The following ENOX1 variants were observed in gnomAD, a reference collection of about 807,000 sequenced individuals.
ENOX1 encodes the protein ecto-NOX disulfide-thiol exchanger 1.
ENOX1 carries 42 observed loss-of-function variants against 82.5 expected under a neutral mutation model. The observed-to-expected ratio is 0.51, with a 90% CI of 0.40 to 0.66. The LOEUF is 0.66. ENOX1 is among the 30% of genes least tolerant of loss of function. The pLI is 0.00. For missense variants in ENOX1, 608 were observed against 811.6 expected, an observed-to-expected ratio of 0.75 and a Z score of 3.05; for synonymous variants, 271 against 282.2, an observed-to-expected ratio of 0.96 and a Z score of 0.40.
intron 2 of ENOX1, among the ~76,000 whole-genome samples, chr13:43,513,822 C>T (rs1281217943): frequency 6.6e-6 from 1 of 151,768 alleles, no homozygotes; most frequent in African/African-American, 2.4e-5. Flanking sequence ...AAAAGTTAAC[C>T]CTTAGCTATT....
intron 2 of ENOX1, among the ~76,000 whole-genome samples, chr13:43,510,064 C>A (rs1051456450): frequency 6.6e-6 from 1 of 151,952 alleles, no homozygotes; most frequent in Non-Finnish European, 1.5e-5. Flanking sequence ...ATGTATAGAT[C>A]TAAGTAGGAG....
At chr13:43,722,727 T>TAA (rs150881985) in intron 1 of ENOX1, among the ~76,000 whole-genome samples, 5 of 147,950 alleles carry the variant, frequency 3.4e-5, no homozygotes, top group African/African-American at 1.2e-4. Context: ...ACTCTAAAGG[T>TAA]AAAAAAAAAA....
At chr13:43,523,934 A>T (rs2077881607) in intron 2 of ENOX1, among the ~76,000 whole-genome samples, 1 of 152,138 alleles carries the variant, frequency 6.6e-6, no homozygotes, top group East Asian at 1.9e-4. Flanking sequence ...GATCAATAAG[A>T]AGGTACCACA....
In ENOX1 at chr13:43,517,994, T is replaced by C. The variant is rs548764714; in HGVS notation, c.-218-33842A>G. Reference sequence around the variant, plus strand: ...TTTATGGTATTTTGTTATAGCAGCCTGAACAGACTAAGATGTCTGCTCTGC... The same window carrying C: ...TTTATGGTATTTTGTTATAGCAGCCCGAACAGACTAAGATGTCTGCTCTGC... On this transcript the variant is annotated intron_variant, in intron 2 of 16. Transcript: ENST00000690772. 1.1e-4 allele frequency among the ~76,000 whole-genome samples: 17 copies of C among 152,256 alleles called. No individual in the cohort carries two copies. The South Asian group carries it at 3.5e-3, about 32-fold the overall frequency.
At chr13:43,664,778 G>A (rs779962102) in intron 2 of ENOX1, among the ~76,000 whole-genome samples, 1 of 152,164 alleles carries the variant, frequency 6.6e-6, no homozygotes, top group Non-Finnish European at 1.5e-5. Context: ...GTATTTGGTG[G>A]AACTCTGCCT....
At chr13:43,413,753 C>T (rs971020944) in intron 3 of ENOX1, among the ~76,000 whole-genome samples, 7 of 144,254 alleles carry the variant, frequency 4.9e-5, no homozygotes, top group African/African-American at 1.7e-4. Flanking sequence ...TCTTTTAATG[C>T]ACTTATCTAA....
chr13:43,674,242 C>T (rs1293014885), intron 1 of ENOX1, among the ~76,000 whole-genome samples: 2 of 152,088 alleles, frequency 1.3e-5, no homozygotes, highest in Non-Finnish European at 2.9e-5. Flanking sequence ...AGGAACAAGA[C>T]AAGACTCTCA....
intron 6 of ENOX1, 44 bp downstream of exon 6, chr13:43,361,235 A>G (rs1367233690): frequency 6.3e-7 from 1 of 1,589,612 alleles, no homozygotes. Flanking sequence ...TTTAAAAAGA[A>G]AAACATTTAA....
chr13:43,383,066 C>T lies in ENOX1; in HGVS notation c.209-21614G>A, dbSNP rs552391534. On this transcript the variant is annotated intron_variant, in intron 5 of 16. Coordinates refer to ENST00000690772, the MANE Select transcript of ENOX1 (RefSeq NM_001347969.2). ...TTCTATAGTTTTAGAAGTCAGCAAG[C>T]AGCATATTGGGGATTATGGATGAAC... Among the ~76,000 whole-genome samples, 5 of 152,210 alleles carry T rather than the reference C, an allele frequency of 3.3e-5. No homozygotes were observed. The South Asian group carries it at 1.0e-3, about 32-fold the overall frequency.
chr13:43,737,991 C>G (rs2153825263), intron 1 of ENOX1, among the ~76,000 whole-genome samples: 1 of 152,218 alleles, frequency 6.6e-6, no homozygotes, highest in Non-Finnish European at 1.5e-5. Context: ...ATTTTTGTGT[C>G]CTTCTGAAGA....
chr13:43,708,619 T>G (rs1281688913), intron 1 of ENOX1, among the ~76,000 whole-genome samples: 1 of 152,194 alleles, frequency 6.6e-6, no homozygotes, highest in Non-Finnish European at 1.5e-5. Flanking sequence ...GACAAATTAA[T>G]TTTCAACAGA....
rs536056955 is a variant in ENOX1 at position 43,243,948 on chromosome 13, T to C, written c.1612-7210A>G. On this transcript the variant is annotated intron_variant, in intron 14 of 16. Transcript: ENST00000690772. ...CCAGAGGCATCTGTTTCAGGCCACTTGCAAGGCTTCCTTATCTGCACACAT... is the reference window on the plus strand; with the variant it reads ...CCAGAGGCATCTGTTTCAGGCCACTCGCAAGGCTTCCTTATCTGCACACAT... 8.3e-4 allele frequency among the ~76,000 whole-genome samples: 127 copies of C among 152,140 alleles called. 2 individuals are homozygous for C. The highest frequency in any genetic ancestry group is 2.9e-3 in the African/African-American group (120 of 41,498).
At chr13:43,716,285 C>T (rs559095162) in intron 1 of ENOX1, among the ~76,000 whole-genome samples, 11 of 152,106 alleles carry the variant, frequency 7.2e-5, no homozygotes, top group Non-Finnish European at 4.4e-5. Flanking sequence ...ACAGACAGGA[C>T]CCTCAGCTGC....
At chr13:43,575,005 A>G (rs1324964371) in intron 2 of ENOX1, among the ~76,000 whole-genome samples, 1 of 152,230 alleles carries the variant, frequency 6.6e-6, no homozygotes, top group Non-Finnish European at 1.5e-5. Context: ...AGAGAGCCAC[A>G]TTCTGCTTAG....
intron 2 of ENOX1, among the ~76,000 whole-genome samples, chr13:43,641,393 C>T (rs541214354): frequency 6.6e-6 from 1 of 152,174 alleles, no homozygotes; most frequent in South Asian, 2.1e-4. Context: ...CAGTGCTATC[C>T]CTATCTTGAG....
At chr13:43,653,419 TACAA>T (rs2084285049) in intron 2 of ENOX1, among the ~76,000 whole-genome samples, 1 of 152,188 alleles carries the variant, frequency 6.6e-6, no homozygotes, top group Non-Finnish European at 1.5e-5. Flanking sequence ...CTAAAGATAC[TACAA>T]ACAAACTTGA....
intron 3 of ENOX1, among the ~76,000 whole-genome samples, chr13:43,482,060 G>T (rs1472091855): frequency 6.6e-6 from 1 of 152,090 alleles, no homozygotes; most frequent in Non-Finnish European, 1.5e-5. Flanking sequence ...ATGCAAACTG[G>T]TACTTCTGCT....
intron 1 of ENOX1, among the ~76,000 whole-genome samples, chr13:43,739,453 G>A (rs1305988210): frequency 6.6e-6 from 1 of 152,082 alleles, no homozygotes; most frequent in Non-Finnish European, 1.5e-5. Context: ...GGAGGCTGAG[G>A]TGGGAAAATC....
At chr13:43,743,487 G>T (rs185931427) in intron 1 of ENOX1, among the ~76,000 whole-genome samples, 1 of 152,216 alleles carries the variant, frequency 6.6e-6, no homozygotes, top group East Asian at 1.9e-4. Context: ...CAGCCCAGGG[G>T]GTTCTCAGGT....
Sources: allele counts gnomAD v4.1 joint callset (sites outside exome capture counted in the v4.1 genomes callset), GRCh38; gene constraint gnomAD v4.1.1; transcripts MANE v1.5; gene names NCBI Gene and HGNC (gene_info 2026-07-23, HGNC 2026-07-21).